Variants in WDR25 observed in about 807,000 individuals in gnomAD.
The protein encoded by WDR25 is WD repeat domain 25, also known as WD repeat-containing protein 25.
Under a neutral mutation model 47.7 loss-of-function variants are expected in WDR25, and 35 were observed. The observed-to-expected ratio is 0.73, with a 90% CI of 0.56 to 0.97. The LOEUF (loss-of-function observed/expected upper bound fraction) is 0.97. Among genes scored for constraint, WDR25 ranks in the 50% least tolerant of loss-of-function variants. The pLI is 0.00. For missense variants in WDR25, 634 were observed against 704.7 expected, an observed-to-expected ratio of 0.90 and a Z score of 1.14; for synonymous variants, 248 against 278.9, an observed-to-expected ratio of 0.89 and a Z score of 1.10.
chr14:100,474,393 C>T (rs1899948988), intron 3 of WDR25, among the ~76,000 whole-genome samples: 1 of 152,224 alleles, frequency 6.6e-6, no homozygotes, highest in South Asian at 2.1e-4. Flanking sequence ...CGCCAGCCCT[C>T]TAGGCAAAGA....
intron 2 of WDR25, among the ~76,000 whole-genome samples, chr14:100,438,069 C>T (rs1466001714): frequency 3.3e-5 from 5 of 152,206 alleles, no homozygotes; most frequent in African/African-American, 9.7e-5. Context: ...TAGATTTGCA[C>T]AGGAGAATAT....
At position 100,468,023 on chromosome 14, in the gene WDR25, A is replaced by G. The variant is rs779398443; in HGVS notation, c.825A>G (p.Val275=). 9.9e-6 allele frequency: 16 copies of G among 1,612,346 alleles called. No homozygotes were observed. The Admixed American group carries it at 2.2e-4, about 22-fold the overall frequency. ...LSTSMDKTFK[V]WNAVDSGHCL... ...GTGCTGTCTGTGTTTGCCTGCAGGTATGGAACGCCGTGGACTCCGGGCACT... is the reference window on the plus strand; with the variant it reads ...GTGCTGTCTGTGTTTGCCTGCAGGTGTGGAACGCCGTGGACTCCGGGCACT... Residue 275 remains valine (V), a splice_region_variant and synonymous_variant, in exon 3 of 7, where the codon GTA becomes GTG. Transcript: ENST00000402312. This position sits in a 1 kb window ranked among gnomAD's most constrained non-coding sequence, Gnocchi z 4.5.
At chr14:100,405,808 G>A (rs1042378270) in intron 2 of WDR25, among the ~76,000 whole-genome samples, 4 of 152,152 alleles carry the variant, frequency 2.6e-5, no homozygotes, top group East Asian at 1.9e-4. Context: ...GGGGAAGGGC[G>A]GATATTAGTG....
At chr14:100,423,952 G>A (rs1264263302) in intron 2 of WDR25, among the ~76,000 whole-genome samples, 1 of 152,184 alleles carries the variant, frequency 6.6e-6, no homozygotes. Context: ...ATGGGGCACG[G>A]GCCACTCCAG....
intron 2 of WDR25, among the ~76,000 whole-genome samples, chr14:100,456,365 A>G (rs1899202962): frequency 6.6e-6 from 1 of 152,234 alleles, no homozygotes; most frequent in Admixed American, 6.5e-5. Context: ...TAAAGATTAC[A>G]AAACATGCAA....
chr14:100,483,927 T>A (rs1004913395), intron 3 of WDR25, 67 bp from the exon 4 acceptor site: 2 of 1,534,270 alleles, frequency 1.3e-6, no homozygotes, highest in African/African-American at 1.4e-5. Context: ...GATGGCATCT[T>A]AGTTTTAAGA....
chr14:100,527,348 T>C (rs1353264689), intron 5 of WDR25, among the ~76,000 whole-genome samples: 2 of 152,204 alleles, frequency 1.3e-5, no homozygotes, highest in African/African-American at 4.8e-5. Context: ...GTCATCATTG[T>C]CACCACTACC....
chr14:100,530,179 G>T lies in WDR25; in HGVS notation c.*138G>T. The T allele has an allele frequency of 1.2e-6, 1 of 866,930 alleles. No individual in the cohort carries two copies. The highest frequency in any genetic ancestry group is 1.7e-6 in the Non-Finnish European group (1 of 576,230). The allele number at this position is 866,930 out of a possible 1,614,324, so 53.7% of individuals were successfully genotyped here. A position where few individuals can be genotyped will look rare whatever the true frequency, so the allele number is the denominator to read the frequency against. On this transcript the variant is annotated 3_prime_UTR_variant, in exon 7 of 7. Coordinates refer to ENST00000402312, the MANE Select transcript of WDR25 (RefSeq NM_001161476.3). Reference sequence around the variant, plus strand: ...CTTCTGAGCCTCAGTTTCCTCATCTGTAAAGTGGGGAGAAAAGTCTGTTTG... The same window carrying T: ...CTTCTGAGCCTCAGTTTCCTCATCTTTAAAGTGGGGAGAAAAGTCTGTTTG...
intron 2 of WDR25, among the ~76,000 whole-genome samples, chr14:100,388,030 G>A (rs1185402992): frequency 6.6e-6 from 1 of 152,242 alleles, no homozygotes; most frequent in Non-Finnish European, 1.5e-5. Flanking sequence ...GGGATTTATG[G>A]CTCTAAGTGC....
rs1012696961 is a variant in WDR25, at chr14:100,407,812, C to T, written c.822+26066C>T. On this transcript the variant is annotated intron_variant, in intron 2 of 6. Transcript: ENST00000402312. This position sits in a 1 kb window ranked among gnomAD's most constrained non-coding sequence, Gnocchi z 4.1. ...TAGAGCTGGGATTGGAGATGTAGCC[C>T]GTCCCCGTTCAGGAGCCTCTCACGT... 2.0e-5 allele frequency among the ~76,000 whole-genome samples: 3 copies of T among 152,138 alleles called. No individual in the cohort carries two copies. Among genetic ancestry groups the T allele is most frequent in the Non-Finnish European group, 2.9e-5 (2 of 68,008 alleles).
At chr14:100,423,255 C>T (rs911492093) in intron 2 of WDR25, among the ~76,000 whole-genome samples, 1 of 152,098 alleles carries the variant, frequency 6.6e-6, no homozygotes, top group Non-Finnish European at 1.5e-5. Flanking sequence ...ACTGATTTCC[C>T]CCAGCCTGAT....
intron 2 of WDR25, 86 bp from the exon 3 acceptor site, chr14:100,467,935 C>CTTTTTTT: frequency 6.5e-7 from 1 of 1,537,436 alleles, no homozygotes; most frequent in South Asian, 1.2e-5. Flanking sequence ...CCACCGAGAC[C>CTTTTTTT]TTTTTCTTTC....
At position 100,529,650 on chromosome 14, in the gene WDR25, G is replaced by C; in HGVS notation, c.1414-170G>C. On this transcript the variant is annotated intron_variant, in intron 6 of 6. Coordinates refer to ENST00000402312, the MANE Select transcript of WDR25 (RefSeq NM_001161476.3). The surrounding 1 kb of genome is among the most constrained non-coding windows in gnomAD (Gnocchi z 5.1). Reference sequence around the variant, plus strand: ...GCCTTGGGATGTGGGCCCGCATCAGGGCTCTACAGCCTCATGGGCGGGACC... The same window carrying C: ...GCCTTGGGATGTGGGCCCGCATCAGCGCTCTACAGCCTCATGGGCGGGACC... The C allele has an allele frequency of 1.4e-6, 1 of 728,020 alleles. No homozygotes were observed. Among genetic ancestry groups the C allele is most frequent in the Admixed American group, 2.8e-5 (1 of 35,272 alleles). The allele number at this position is 728,020 out of a possible 1,614,324, so 45.1% of individuals were successfully genotyped here.
chr14:100,418,766 C>CGG (rs148593255), intron 2 of WDR25, among the ~76,000 whole-genome samples: 41 of 147,130 alleles, frequency 2.8e-4, no homozygotes, highest in African/African-American at 3.5e-4. Flanking sequence ...GTGGCGGTGG[C>CGG]GGGGGGGGGT....
In WDR25 at chr14:100,440,500, C is replaced by T. The variant is rs904869608; in HGVS notation, c.823-27521C>T. Reference sequence around the variant, plus strand: ...GTTTTGGGGCATGGGAGGGGCTGGCCGTCATGATTCAGCATGCTAGCTCTC... The same window carrying T: ...GTTTTGGGGCATGGGAGGGGCTGGCTGTCATGATTCAGCATGCTAGCTCTC... On this transcript the variant is annotated intron_variant, in intron 2 of 6. Coordinates refer to ENST00000402312, the MANE Select transcript of WDR25 (RefSeq NM_001161476.3). The surrounding 1 kb of genome is among the most constrained non-coding windows in gnomAD (Gnocchi z 4.4). 3.3e-5 allele frequency among the ~76,000 whole-genome samples: 5 copies of T among 152,160 alleles called. No individual in the cohort carries two copies. Among genetic ancestry groups the T allele is most frequent in the African/African-American group, 1.2e-4 (5 of 41,420 alleles).
chr14:100,490,544 G>A (rs953463050), intron 4 of WDR25, among the ~76,000 whole-genome samples: 4 of 152,356 alleles, frequency 2.6e-5, no homozygotes, highest in Middle Eastern at 3.4e-3. Context: ...TCTAGGGCAC[G>A]GGCCAGAGCT....
chr14:100,451,062 T>A (rs1899013566), intron 2 of WDR25, among the ~76,000 whole-genome samples: 1 of 152,070 alleles, frequency 6.6e-6, no homozygotes, highest in Admixed American at 6.5e-5. Flanking sequence ...GAAAACCCAT[T>A]TTCCAAGAGT....
chr14:100,410,509 C>T (rs76627968), intron 2 of WDR25, among the ~76,000 whole-genome samples: 94 of 152,150 alleles, frequency 6.2e-4, no homozygotes, highest in African/African-American at 2.3e-3. Context: ...AGTGGTATTT[C>T]CTGGGAAATG....
chr14:100,456,175 T>C (rs1899197825), intron 2 of WDR25, among the ~76,000 whole-genome samples: 1 of 152,092 alleles, frequency 6.6e-6, no homozygotes, highest in African/African-American at 2.4e-5. Flanking sequence ...CTGGGCAATG[T>C]AGTGAGACCT....
Sources: allele counts gnomAD v4.1 joint callset (sites outside exome capture counted in the v4.1 genomes callset), GRCh38; gene constraint gnomAD v4.1.1; non-coding constraint Gnocchi (gnomAD v3.1); transcripts MANE v1.5; gene names NCBI Gene and HGNC (gene_info 2026-07-23, HGNC 2026-07-21).